The following ADAMTS12 variants were observed in gnomAD, a reference collection of about 807,000 sequenced individuals.
ADAMTS12 encodes ADAM metallopeptidase with thrombospondin type 1 motif 12, also known as A disintegrin and metalloproteinase with thrombospondin motifs 12.
In ADAMTS12, 118 loss-of-function variants were observed where a neutral mutation model predicts 167.8. That is an observed-to-expected ratio of 0.70 (90% CI 0.61 to 0.82). ADAMTS12 has a LOEUF of 0.82. ADAMTS12 is among the 40% of genes least tolerant of loss of function. The pLI is 0.00. For synonymous variants in ADAMTS12, 704 were observed against 716.9 expected, an observed-to-expected ratio of 0.98 and a Z score of 0.29; for missense variants, 1,916 against 1,998.8, an observed-to-expected ratio of 0.96 and a Z score of 0.79.
At chr5:33,844,945 G>A (rs886387249) in intron 2 of ADAMTS12, among the ~76,000 whole-genome samples, 1 of 152,130 alleles carries the variant, frequency 6.6e-6, no homozygotes, top group Non-Finnish European at 1.5e-5. Context: ...CTGGGGGCAG[G>A]TTCCCCGATA....
At chr5:33,878,059 T>A (rs1020633670) in intron 2 of ADAMTS12, among the ~76,000 whole-genome samples, 1 of 152,144 alleles carries the variant, frequency 6.6e-6, no homozygotes, top group Non-Finnish European at 1.5e-5. Context: ...TCCTGTGAAT[T>A]TGAATGTAGG....
At chr5:33,655,891 A>G (rs113437518) in intron 7 of ADAMTS12, among the ~76,000 whole-genome samples, 9 of 151,806 alleles carry the variant, frequency 5.9e-5, no homozygotes, top group African/African-American at 1.9e-4. Context: ...CCCACTTATG[A>G]GTGGGAATAT....
At chr5:33,605,828 T>TA (rs1738409693) in intron 16 of ADAMTS12, among the ~76,000 whole-genome samples, 1 of 152,198 alleles carries the variant, frequency 6.6e-6, no homozygotes, top group African/African-American at 2.4e-5. Flanking sequence ...ATACCAACCA[T>TA]ACAAAATTTC....
At chr5:33,692,102 T>A (rs960902238) in intron 3 of ADAMTS12, among the ~76,000 whole-genome samples, 4 of 152,230 alleles carry the variant, frequency 2.6e-5, no homozygotes, top group African/African-American at 9.6e-5. Context: ...TCAATATTTG[T>A]TCTTCCCCTC....
intron 3 of ADAMTS12, among the ~76,000 whole-genome samples, chr5:33,734,260 A>C (rs1446655082): frequency 2.0e-5 from 3 of 152,228 alleles, no homozygotes; most frequent in African/African-American, 7.2e-5. Context: ...AGAAGTGGTC[A>C]TACCCTGTCA....
intron 3 of ADAMTS12, among the ~76,000 whole-genome samples, chr5:33,716,196 T>C (rs918827494): frequency 6.6e-5 from 10 of 152,100 alleles, no homozygotes. Flanking sequence ...TGTTTGTGCC[T>C]TCTACCATGT....
chr5:33,786,072 T>A (rs1014684251), intron 2 of ADAMTS12, among the ~76,000 whole-genome samples: 2 of 152,234 alleles, frequency 1.3e-5, no homozygotes, highest in Admixed American at 1.3e-4. Flanking sequence ...AAAGACTACA[T>A]CTTGTATGAT....
In ADAMTS12 at chr5:33,788,313, C is replaced by T. The variant is rs944242369; in HGVS notation, c.490-36765G>A. 6.6e-5 allele frequency among the ~76,000 whole-genome samples: 10 copies of T among 151,634 alleles called. No individual in the cohort carries two copies. In the South Asian group the frequency reaches 1.7e-3, roughly 25 times the overall value. ...TTTTTTTTTGCCTGTCCAATAAATA[C>T]GCAGAAGTTCAAGGTGAGAAATTTA... On this transcript the variant is annotated intron_variant, in intron 2 of 23. Coordinates refer to ENST00000504830, the MANE Select transcript of ADAMTS12 (RefSeq NM_030955.4).
chr5:33,885,219 G>C (rs1750593777), intron 1 of ADAMTS12, among the ~76,000 whole-genome samples: 1 of 152,108 alleles, frequency 6.6e-6, no homozygotes, highest in South Asian at 2.1e-4. Context: ...GAAACAATAG[G>C]ATATAATAAA....
chr5:33,631,721 A>G (rs557359768), intron 12 of ADAMTS12, among the ~76,000 whole-genome samples: 5 of 152,372 alleles, frequency 3.3e-5, no homozygotes, highest in African/African-American at 1.2e-4. Flanking sequence ...GAATACATGT[A>G]TATGATAAGA....
chr5:33,587,728 A>G (rs774427278), intron 18 of ADAMTS12, among the ~76,000 whole-genome samples: 1 of 152,214 alleles, frequency 6.6e-6, no homozygotes, highest in Non-Finnish European at 1.5e-5. Flanking sequence ...CTGGGATTAC[A>G]GGTGCCTGTC....
At chr5:33,826,307 G>C (rs1266594367) in intron 2 of ADAMTS12, among the ~76,000 whole-genome samples, 2 of 151,934 alleles carry the variant, frequency 1.3e-5, no homozygotes, top group African/African-American at 4.8e-5. Context: ...AAAAATGATA[G>C]TCTGCTCAGT....
chr5:33,688,461 T>A (rs1186992280), intron 3 of ADAMTS12, among the ~76,000 whole-genome samples: 1 of 144,996 alleles, frequency 6.9e-6, no homozygotes, highest in East Asian at 2.1e-4. Context: ...TCCTAGAAGA[T>A]CCCTGGAAAA....
At chr5:33,549,002 T>C (rs1378749666) in intron 21 of ADAMTS12, among the ~76,000 whole-genome samples, 1 of 152,214 alleles carries the variant, frequency 6.6e-6, no homozygotes, top group Non-Finnish European at 1.5e-5. Flanking sequence ...CTATAACACA[T>C]TGTCTCCACC....
intron 2 of ADAMTS12, among the ~76,000 whole-genome samples, chr5:33,832,446 T>C (rs1748336608): frequency 6.6e-6 from 1 of 152,188 alleles, no homozygotes; most frequent in South Asian, 2.1e-4. Context: ...TTAAAGTCAC[T>C]ATATGAAAAC....
At chr5:33,729,205 T>G (rs1469420635) in intron 3 of ADAMTS12, among the ~76,000 whole-genome samples, 1 of 152,178 alleles carries the variant, frequency 6.6e-6, no homozygotes, top group Non-Finnish European at 1.5e-5. Flanking sequence ...TTTGAGTGAA[T>G]AGCAATTCAT....
chr5:33,723,014 T>A (rs768891999), intron 3 of ADAMTS12, among the ~76,000 whole-genome samples: 10 of 152,154 alleles, frequency 6.6e-5, no homozygotes, highest in Non-Finnish European at 1.3e-4. Context: ...AAGATGACAG[T>A]GGCAGTTCAG....
intron 2 of ADAMTS12, among the ~76,000 whole-genome samples, chr5:33,771,230 G>C (rs909483357): frequency 4.6e-5 from 7 of 152,168 alleles, no homozygotes; most frequent in African/African-American, 9.7e-5. Flanking sequence ...TTGAGTAAAT[G>C]ATGTTGAACA....
At chr5:33,880,132 A>C (rs929712290) in intron 2 of ADAMTS12, among the ~76,000 whole-genome samples, 2 of 152,208 alleles carry the variant, frequency 1.3e-5, no homozygotes, top group African/African-American at 4.8e-5. Context: ...ATTTTGAGAT[A>C]TAGCGTATAA....
Sources: allele counts gnomAD v4.1 joint callset (sites outside exome capture counted in the v4.1 genomes callset), GRCh38; gene constraint gnomAD v4.1.1; transcripts MANE v1.5; gene names NCBI Gene and HGNC (gene_info 2026-07-23, HGNC 2026-07-21).